The following TMEM132C variants were observed in gnomAD, a reference collection of about 807,000 sequenced individuals.
TMEM132C encodes the protein protein phosphatase 1, regulatory subunit 152.
TMEM132C carries 29 observed loss-of-function variants against 61.4 expected under a neutral mutation model. That is an observed-to-expected ratio of 0.47 (90% CI 0.35 to 0.64). The LOEUF (loss-of-function observed/expected upper bound fraction) is 0.64. TMEM132C is among the 30% of genes least tolerant of loss of function. The pLI is 0.00. For missense variants in TMEM132C, 1,408 were observed against 1,476.9 expected (o/e 0.95, Z 0.76); for synonymous variants, 656 against 633.1 (o/e 1.04, Z -0.54).
At chr12:128,532,834 C>G (rs1873366651) in intron 2 of TMEM132C, among the ~76,000 whole-genome samples, 1 of 152,064 alleles carries the variant, frequency 6.6e-6, no homozygotes, top group African/African-American at 2.4e-5. Flanking sequence ...ACCCATGAGG[C>G]CTGGGTGGCC....
chr12:128,365,859 C>T (rs1057377654), intron 1 of TMEM132C, among the ~76,000 whole-genome samples: 1 of 152,138 alleles, frequency 6.6e-6, no homozygotes, highest in Non-Finnish European at 1.5e-5. Flanking sequence ...CAGGCTGCCC[C>T]GTTGATTGTG....
At chr12:128,686,289 G>GT (rs1444047770) in intron 5 of TMEM132C, among the ~76,000 whole-genome samples, 2 of 152,136 alleles carry the variant, frequency 1.3e-5, no homozygotes, top group Non-Finnish European at 2.9e-5. Context: ...TGGTTACCTT[G>GT]GCAACATTCT....
chr12:128,283,738 C>A (rs1870971533), intron 1 of TMEM132C, among the ~76,000 whole-genome samples: 1 of 152,124 alleles, frequency 6.6e-6, no homozygotes, highest in South Asian at 2.1e-4. Flanking sequence ...AGGTTTCTTC[C>A]TTTCTGTGTT....
At chr12:128,616,090 T>C (rs2135583733) in intron 3 of TMEM132C, 62 bp from the exon 4 acceptor site, 2 of 1,514,048 alleles carry the variant, frequency 1.3e-6, no homozygotes, top group Non-Finnish European at 1.8e-6. Context: ...CGTACTATTA[T>C]GAGGAGAGAA....
chr12:128,558,002 G>A (rs1054415766), intron 3 of TMEM132C, among the ~76,000 whole-genome samples: 15 of 152,170 alleles, frequency 9.9e-5, no homozygotes, highest in South Asian at 2.1e-4. Context: ...GCGCGGTTTC[G>A]CGCACATTAG....
At chr12:128,611,769 A>G (rs779462188) in intron 3 of TMEM132C, among the ~76,000 whole-genome samples, 27 of 151,876 alleles carry the variant, frequency 1.8e-4, no homozygotes, top group Non-Finnish European at 2.5e-4. Context: ...GATTTTAGAG[A>G]AAAAAAAGCC....
chr12:128,419,548 A>G (rs1388631467), intron 2 of TMEM132C, among the ~76,000 whole-genome samples: 1 of 150,148 alleles, frequency 6.7e-6, no homozygotes, highest in African/African-American at 2.4e-5. Flanking sequence ...GCATACCTCT[A>G]ACATCCTGAC....
intron 1 of TMEM132C, among the ~76,000 whole-genome samples, chr12:128,314,622 T>C (rs1255806653): frequency 6.6e-6 from 1 of 152,146 alleles, no homozygotes; most frequent in Non-Finnish European, 1.5e-5. Context: ...CTAAATCCAG[T>C]AACTGGTATG....
In TMEM132C at chr12:128,415,569, C is replaced by T. The variant is rs770273657; in HGVS notation, c.923C>T (p.Thr308Met). 3 of 1,549,826 alleles carry T rather than the reference C, an allele frequency of 1.9e-6. No homozygotes were observed. Among genetic ancestry groups the T allele is most frequent in the Non-Finnish European group, 2.6e-6 (3 of 1,146,246 alleles). Reference sequence around the variant, plus strand: ...CCAGTCAAGCAGGGAGAGGTGGTCACGGCCTATGTCACCATCTCGAGCAAT... The same window carrying T: ...CCAGTCAAGCAGGGAGAGGTGGTCATGGCCTATGTCACCATCTCGAGCAAT... ...SRPVKQGEVVTAYVTISSNSS... is the reference protein window; with the variant it reads ...SRPVKQGEVVMAYVTISSNSS... The change falls in exon 2 of 9, where the codon ACG becomes ATG. Residue 308 changes from threonine (T) to methionine (M), a missense_variant. Transcript: ENST00000435159. The surrounding 1 kb of genome is among the most constrained non-coding windows in gnomAD (Gnocchi z 5.8).
At chr12:128,481,591 C>T (rs1034748235) in intron 2 of TMEM132C, among the ~76,000 whole-genome samples, 1 of 152,238 alleles carries the variant, frequency 6.6e-6, no homozygotes, top group African/African-American at 2.4e-5. Flanking sequence ...GTTCATGGCT[C>T]CAAGCCGCAC....
chr12:128,558,739 C>T (rs79559258), intron 3 of TMEM132C, among the ~76,000 whole-genome samples: 3,606 of 152,344 alleles, frequency 0.024, 63 homozygotes, highest in Non-Finnish European at 0.035. Context: ...GGCCTTTACT[C>T]CCACCCTCAG....
intron 2 of TMEM132C, among the ~76,000 whole-genome samples, chr12:128,536,742 G>T (rs1362946461): frequency 2.4e-5 from 3 of 125,548 alleles, no homozygotes; most frequent in Non-Finnish European, 5.4e-5. Context: ...AGGTTAATAG[G>T]GGGTGCTTGT....
At chr12:128,579,847 G>A (rs1385624121) in intron 3 of TMEM132C, among the ~76,000 whole-genome samples, 2 of 152,216 alleles carry the variant, frequency 1.3e-5, no homozygotes, top group Non-Finnish European at 2.9e-5. Flanking sequence ...CCACTTTGCT[G>A]TATGAATCCA....
At position 128,349,941 on chromosome 12, in the gene TMEM132C, ACG is replaced by A. The variant is rs753162133; in HGVS notation, c.86-64790_86-64789del. 2.1e-5 allele frequency among the ~76,000 whole-genome samples: 3 copies of A among 142,660 alleles called. No individual in the cohort carries two copies. In the East Asian group the frequency reaches 6.4e-4, roughly 30 times the overall value. 93.6% of individuals were successfully genotyped at this position (142,660 alleles called of 152,430 possible). ...CGTACACACACACACACACACACAC[ACG>A]TGCAAGCATACATGTGTGATTTCAG... On this transcript the variant is annotated intron_variant, in intron 1 of 8. Coordinates refer to ENST00000435159, the MANE Select transcript of TMEM132C (RefSeq NM_001136103.3).
intron 5 of TMEM132C, among the ~76,000 whole-genome samples, chr12:128,688,008 T>C (rs1954690849): frequency 6.6e-6 from 1 of 151,958 alleles, no homozygotes; most frequent in Non-Finnish European, 1.5e-5. Context: ...GTTCCCTGCC[T>C]AGACTTGGAA....
intron 5 of TMEM132C, among the ~76,000 whole-genome samples, chr12:128,688,103 C>T (rs1954691571): frequency 6.6e-6 from 1 of 152,244 alleles, no homozygotes. Context: ...CGGACTACTA[C>T]TGGCCCCTTG....
intron 4 of TMEM132C, among the ~76,000 whole-genome samples, chr12:128,666,121 CCA>C (rs1184108480): frequency 2.5e-5 from 2 of 80,584 alleles, no homozygotes; most frequent in Non-Finnish European, 5.0e-5. Context: ...ACACAGGCAC[CCA>C]CACACACAGG....
Position 128,669,464 on chromosome 12 carries a change from C to T in TMEM132C, c.1353C>T (p.Ala451=), listed in dbSNP as rs1382779272. The part of the protein sequence containing the change: ...NTAVLTGKTV[A]MPIKVVSVEE... ...CCGTACTCACAGGAAAGACAGTTGC[C>T]ATGCCTATCAAGGTGGTCTCTGTGG... Residue 451 remains alanine (A), a synonymous_variant, in exon 5 of 9, where the codon GCC becomes GCT. Transcript: ENST00000435159. 1.9e-6 allele frequency: 3 copies of T among 1,551,632 alleles called. No homozygotes were observed. The Admixed American group carries it at 5.9e-5, about 30-fold the overall frequency.
chr12:128,368,782 T>G (rs1873945906), intron 1 of TMEM132C, among the ~76,000 whole-genome samples: 1 of 152,204 alleles, frequency 6.6e-6, no homozygotes, highest in African/African-American at 2.4e-5. Flanking sequence ...AGACAAGCAC[T>G]GCCAGCCCAT....
Sources: gnomAD v4.1 joint callset for allele counts (sites outside exome capture counted in the v4.1 genomes callset) on GRCh38, gnomAD v4.1.1 for gene constraint, Gnocchi (gnomAD v3.1) non-coding constraint, MANE v1.5 for transcripts, NCBI Gene and HGNC (gene_info 2026-07-23, HGNC 2026-07-21) for gene names.